Variants in USP25 observed in about 807,000 individuals in gnomAD.
USP25 encodes the protein ubiquitin carboxyl-terminal hydrolase 25.
A neutral mutation model predicts 158.5 loss-of-function variants in USP25; 85 were observed. The ratio of observed to expected loss-of-function variants is 0.54; its 90% confidence interval spans 0.45 to 0.64. The LOEUF (loss-of-function observed/expected upper bound fraction) is 0.64. Among genes scored for constraint, USP25 ranks in the 30% least tolerant of loss-of-function variants. The pLI is 0.00. For synonymous variants in USP25, 464 were observed against 460.4 expected, an observed-to-expected ratio of 1.01 and a Z score of -0.10; for missense variants, 1,242 against 1,327.3, an observed-to-expected ratio of 0.94 and a Z score of 1.00.
At chr21:15,749,424 T>C (rs2032819991) in intron 1 of USP25, among the ~76,000 whole-genome samples, 1 of 152,252 alleles carries the variant, frequency 6.6e-6, no homozygotes, top group Admixed American at 6.5e-5. Flanking sequence ...TGAGAGATTA[T>C]ATATTTTCCG....
intron 6 of USP25, among the ~76,000 whole-genome samples, chr21:15,803,529 A>G (rs918924785): frequency 6.6e-6 from 1 of 151,916 alleles, no homozygotes; most frequent in East Asian, 1.9e-4. Flanking sequence ...TGGATGAAGA[A>G]AAATGATTTG....
Position 15,874,543 on chromosome 21 carries a change from T to C in USP25, c.3009+17T>C, listed in dbSNP as rs763652705. 4.5e-6 allele frequency: 7 copies of C among 1,570,534 alleles called. No individual in the cohort carries two copies. The East Asian group carries it at 1.6e-4, about 36-fold the overall frequency. ...TGTTTGCTAGTAAGTTGAATGCATA[T>C]AGTATGATCTTATCATTTTGTCTGA... On this transcript the variant is annotated intron_variant, in intron 24 of 25. Coordinates refer to ENST00000400183, the MANE Select transcript of USP25 (RefSeq NM_001283041.3).
intron 4 of USP25, among the ~76,000 whole-genome samples, chr21:15,790,388 T>C (rs1380112167): frequency 6.6e-6 from 1 of 152,066 alleles, no homozygotes; most frequent in Admixed American, 6.6e-5. Flanking sequence ...CTGACTTCTG[T>C]ATTCACATGG....
At chr21:15,740,866 T>G (rs1055245681) in intron 1 of USP25, among the ~76,000 whole-genome samples, 1 of 151,858 alleles carries the variant, frequency 6.6e-6, no homozygotes, top group Non-Finnish European at 1.5e-5. Flanking sequence ...CTGTCCCTCT[T>G]TTCTACACCA....
chr21:15,849,393 A>G (rs1289657376), intron 19 of USP25, among the ~76,000 whole-genome samples: 2 of 152,158 alleles, frequency 1.3e-5, no homozygotes, highest in African/African-American at 2.4e-5. Context: ...GTGGGAAGCA[A>G]ATTGAGTTCA....
chr21:15,747,461 C>G (rs1268423823), intron 1 of USP25, among the ~76,000 whole-genome samples: 1 of 151,494 alleles, frequency 6.6e-6, no homozygotes, highest in East Asian at 1.9e-4. Context: ...AAATTAGGCA[C>G]TATATAACTA....
chr21:15,739,984 A>C (rs78990471), intron 1 of USP25, among the ~76,000 whole-genome samples: 3,616 of 152,324 alleles, frequency 0.024, 133 homozygotes, highest in African/African-American at 0.082. Flanking sequence ...ACTCTGCTTC[A>C]GTACAGACCA....
chr21:15,789,680 C>T (rs1005676752), intron 4 of USP25, among the ~76,000 whole-genome samples: 9 of 151,900 alleles, frequency 5.9e-5, no homozygotes, highest in African/African-American at 1.5e-4. Context: ...TTTATGGTAT[C>T]GTTTTTATCT....
intron 4 of USP25, 95 bp downstream of exon 4, chr21:15,778,122 C>A: frequency 8.6e-7 from 1 of 1,158,394 alleles, no homozygotes; most frequent in Non-Finnish European, 1.2e-6. Flanking sequence ...ATAAGATATA[C>A]TTTGTTACTC....
At chr21:15,877,745 T>C (rs1409809075) in intron 24 of USP25, 51 bp from the exon 25 acceptor site, 2 of 1,348,766 alleles carry the variant, frequency 1.5e-6, no homozygotes, top group Admixed American at 2.5e-5. Context: ...GATCCTTAAT[T>C]TAAAAAGGAA....
At chr21:15,753,109 G>T (rs1321304771) in intron 1 of USP25, among the ~76,000 whole-genome samples, 3 of 152,212 alleles carry the variant, frequency 2.0e-5, no homozygotes, top group Admixed American at 2.0e-4. Context: ...GTTTTATGGG[G>T]TGATGGAGAG....
chr21:15,856,295 A>G (rs1289189984), intron 20 of USP25, among the ~76,000 whole-genome samples: 2 of 152,194 alleles, frequency 1.3e-5, no homozygotes, highest in Non-Finnish European at 2.9e-5. Flanking sequence ...AACTAGTAAT[A>G]CATAATCCAA....
chr21:15,827,049 A>G lies in USP25; in HGVS notation c.1539A>G (p.Ser513=). Residue 513 remains serine (S), a synonymous_variant, in exon 14 of 26, where the codon TCA becomes TCG. Coordinates refer to ENST00000400183, the MANE Select transcript of USP25 (RefSeq NM_001283041.3). ...CACCTTCATCAGTTGCTGCCATTTCATCGAGATCAGTAATACACAAACCAT... is the reference window on the plus strand; with the variant it reads ...CACCTTCATCAGTTGCTGCCATTTCGTCGAGATCAGTAATACACAAACCAT... The part of the protein sequence containing the change: ...STSPSSVAAI[S]SRSVIHKPFT... The G allele has an allele frequency of 1.2e-6, 2 of 1,614,202 alleles. No individual in the cohort carries two copies. The highest frequency in any genetic ancestry group is 1.7e-6 in the Non-Finnish European group (2 of 1,180,022).
intron 4 of USP25, among the ~76,000 whole-genome samples, chr21:15,784,916 T>C (rs2035186644): frequency 6.6e-6 from 1 of 151,768 alleles, no homozygotes; most frequent in South Asian, 2.1e-4. Context: ...GTAGTAACCT[T>C]GAATGTAAGT....
At chr21:15,813,653 G>T (rs963958526) in intron 9 of USP25, among the ~76,000 whole-genome samples, 10 of 151,938 alleles carry the variant, frequency 6.6e-5, no homozygotes, top group Admixed American at 6.6e-4. Flanking sequence ...TTTACACATT[G>T]TCTGGTATCT....
At chr21:15,738,975 C>T (rs2031784327) in intron 1 of USP25, among the ~76,000 whole-genome samples, 1 of 152,136 alleles carries the variant, frequency 6.6e-6, no homozygotes, top group Non-Finnish European at 1.5e-5. Context: ...CTCACACGCA[C>T]CCTCTTAGAG....
chr21:15,777,968 C>T lies in USP25; in HGVS notation c.333C>T (p.Ala111=), dbSNP rs61760219. The change falls in exon 4 of 26, where the codon GCC becomes GCT. Residue 111 remains alanine, a synonymous_variant. Transcript: ENST00000400183. ...DLQRAIALSL[A]ESNRAFRETG... Reference sequence around the variant, plus strand: ...AGAGAGCAATTGCCTTGAGTTTGGCCGAATCAAACAGGGCATTCAGGGAGA... The same window carrying T: ...AGAGAGCAATTGCCTTGAGTTTGGCTGAATCAAACAGGGCATTCAGGGAGA... The T allele has an allele frequency of 5.1e-4, 828 of 1,610,904 alleles. 2 individuals carry two copies. Among genetic ancestry groups the T allele is most frequent in the Middle Eastern group, 3.3e-3 (20 of 6,044 alleles).
intron 6 of USP25, among the ~76,000 whole-genome samples, chr21:15,801,404 G>T (rs954003801): frequency 1.3e-5 from 2 of 151,504 alleles, no homozygotes; most frequent in Non-Finnish European, 3.0e-5. Context: ...CTCTCCAGGT[G>T]TCCCTTTAGC....
intron 21 of USP25, among the ~76,000 whole-genome samples, chr21:15,865,847 C>T (rs1276670546): frequency 6.6e-6 from 1 of 152,040 alleles, no homozygotes; most frequent in African/African-American, 2.4e-5. Context: ...GGGATGTTTC[C>T]ATTTTTACCT....
Sources: gnomAD v4.1 joint callset for allele counts (sites outside exome capture counted in the v4.1 genomes callset) on GRCh38, gnomAD v4.1.1 for gene constraint, MANE v1.5 for transcripts, NCBI Gene and HGNC (gene_info 2026-07-23, HGNC 2026-07-21) for gene names.